The following CTBP2 variants were observed in gnomAD, a reference collection of about 807,000 sequenced individuals.
CTBP2 encodes the protein C-terminal-binding protein 2.
CTBP2 carries 30 observed loss-of-function variants against 80.3 expected under a neutral mutation model. That is an observed-to-expected ratio of 0.37 (90% CI 0.28 to 0.51). The LOEUF is 0.51. Ranked by LOEUF, CTBP2 falls within the 20% of genes least tolerant of loss-of-function variation. CTBP2 has a pLI of 0.93. For synonymous variants in CTBP2, 594 were observed against 587.4 expected (o/e 1.01, Z -0.16); for missense variants, 1,212 against 1,375.3 (o/e 0.88, Z 1.88).
chr10:125,100,548 T>C (rs1222212509), intron 2 of CTBP2: 1 of 152,224 alleles, frequency 6.6e-6, no homozygotes, highest in Non-Finnish European at 1.5e-5. Flanking sequence ...TTTAATTTAA[T>C]TTTTAAACAA....
intron 2 of CTBP2, among the ~76,000 whole-genome samples, chr10:125,043,315 T>C (rs192980369): frequency 1.5e-3 from 232 of 152,342 alleles, no homozygotes; most frequent in Middle Eastern, 3.4e-3. Flanking sequence ...TTTTACTCAA[T>C]GACCATCACC....
intron 2 of CTBP2, among the ~76,000 whole-genome samples, chr10:125,063,436 C>T (rs1844134922): frequency 6.6e-6 from 1 of 152,192 alleles, no homozygotes; most frequent in Admixed American, 6.5e-5. Flanking sequence ...CAAAAGCTGG[C>T]AAGGACACCC....
intron 2 of CTBP2, among the ~76,000 whole-genome samples, chr10:125,058,935 A>G (rs963056659): frequency 7.2e-5 from 11 of 152,148 alleles, no homozygotes; most frequent in African/African-American, 2.7e-4. Context: ...CAAGTCTACC[A>G]AATTCTTCAC....
chr10:124,993,662 C>A (rs1490800025), intron 6 of CTBP2, among the ~76,000 whole-genome samples, 193 bp downstream of exon 8: 1 of 152,226 alleles, frequency 6.6e-6, no homozygotes, highest in Non-Finnish European at 1.5e-5. Context: ...CCCTGATGAC[C>A]TCTGGGAAAC....
intron 1 of CTBP2, among the ~76,000 whole-genome samples, chr10:125,115,754 T>C (rs755555816): frequency 1.3e-5 from 2 of 152,216 alleles, no homozygotes; most frequent in African/African-American, 2.4e-5. Flanking sequence ...TGATGGTTAA[T>C]GGTTAGGCAT....
intron 2 of CTBP2, among the ~76,000 whole-genome samples, chr10:125,072,330 C>T (rs1420999647): frequency 1.3e-5 from 2 of 151,884 alleles, no homozygotes; most frequent in South Asian, 4.1e-4. Context: ...AGGAAATTGA[C>T]GAAGCTGGGT....
chr10:125,127,061 C>G (rs1336657404), intron 1 of CTBP2, among the ~76,000 whole-genome samples: 1 of 152,164 alleles, frequency 6.6e-6, no homozygotes, highest in African/African-American at 2.4e-5. Context: ...GGAGTTCAAA[C>G]AAGAAACAGC....
intron 1 of CTBP2, among the ~76,000 whole-genome samples, chr10:125,124,610 C>T (rs1480493139): frequency 1.3e-5 from 2 of 152,222 alleles, no homozygotes; most frequent in Admixed American, 1.3e-4. Context: ...AAATCATCAA[C>T]ATTGCTTAGC....
At chr10:125,079,015 C>T (rs975644402) in intron 2 of CTBP2, among the ~76,000 whole-genome samples, 2 of 150,852 alleles carry the variant, frequency 1.3e-5, no homozygotes, top group African/African-American at 2.4e-5. Flanking sequence ...GGCATGGTGA[C>T]GAGTGCCTGT....
At chr10:125,037,485 C>T (rs567704771) in intron 3 of CTBP2, among the ~76,000 whole-genome samples, 1 of 152,314 alleles carries the variant, frequency 6.6e-6, no homozygotes, top group East Asian at 1.9e-4. Context: ...GTAAATTTTA[C>T]AACTCCCCAT....
intron 1 of CTBP2, among the ~76,000 whole-genome samples, chr10:125,121,965 A>C (rs1854402433): frequency 6.6e-6 from 1 of 152,190 alleles, no homozygotes; most frequent in Non-Finnish European, 1.5e-5. Flanking sequence ...GAGAAAAGCC[A>C]AACTCCAGAC....
intron 2 of CTBP2, among the ~76,000 whole-genome samples, chr10:125,084,120 A>C (rs900906822): frequency 6.6e-6 from 1 of 152,106 alleles, no homozygotes; most frequent in Non-Finnish European, 1.5e-5. Flanking sequence ...AAGAGAGCCC[A>C]CTATGTTATT....
chr10:125,114,401 G>C (rs1408201917), intron 1 of CTBP2, among the ~76,000 whole-genome samples: 1 of 151,680 alleles, frequency 6.6e-6, no homozygotes, highest in Non-Finnish European at 1.5e-5. Context: ...GAGAACCGCA[G>C]CACCCAGAGA....
At chr10:125,005,281 T>A (rs1212648019) in intron 1 of CTBP2, among the ~76,000 whole-genome samples, 2 of 152,226 alleles carry the variant, frequency 1.3e-5, no homozygotes, top group Non-Finnish European at 2.9e-5. Context: ...CAGCCCCGCA[T>A]GGCCCCCAAG....
chr10:124,989,774 C>T (rs752440447), intron 8 of CTBP2, 76 bp from the exon 11 acceptor site: 15 of 1,397,310 alleles, frequency 1.1e-5, no homozygotes, highest in Non-Finnish European at 3.8e-6. Flanking sequence ...TACTTCTGGC[C>T]TTTTCATAAG....
chr10:124,999,691 G>A (rs1054117929), intron 3 of CTBP2: 1 of 152,242 alleles, frequency 6.6e-6, no homozygotes, highest in Non-Finnish European at 1.5e-5. Context: ...ACTTTCCCAC[G>A]AGCTGGATGC....
chr10:125,002,839 C>T, intron 3 of CTBP2, 121 bp downstream of exon 5: 1 of 1,292,382 alleles, frequency 7.7e-7, no homozygotes, highest in South Asian at 1.4e-5. Flanking sequence ...AGGCAGCCAC[C>T]TTGCTACAGC....
At chr10:125,105,144 C>T (rs539787576) in intron 2 of CTBP2, among the ~76,000 whole-genome samples, 16 of 152,066 alleles carry the variant, frequency 1.1e-4, no homozygotes, top group Admixed American at 7.2e-4. Flanking sequence ...GCCACCTGGC[C>T]GAGTTTTAAA....
At chr10:125,141,545 G>A (rs1283093823) in intron 1 of CTBP2, among the ~76,000 whole-genome samples, 1 of 152,094 alleles carries the variant, frequency 6.6e-6, no homozygotes, top group Non-Finnish European at 1.5e-5. Flanking sequence ...GGACCTGAGG[G>A]CGCTCAACCA....
Sources: allele counts gnomAD v4.1 joint callset (sites outside exome capture counted in the v4.1 genomes callset), GRCh38; gene constraint gnomAD v4.1.1; transcripts MANE v1.5; gene names NCBI Gene and HGNC (gene_info 2026-07-23, HGNC 2026-07-21).